Variants in HFM1 observed in about 807,000 individuals in gnomAD.
HFM1 encodes probable ATP-dependent DNA helicase HFM1.
A neutral mutation model predicts 192.1 loss-of-function variants in HFM1; 169 were observed. The ratio of observed to expected loss-of-function variants is 0.88; its 90% confidence interval spans 0.78 to 1.00. HFM1 has a LOEUF of 1.00. Among genes scored for constraint, HFM1 ranks in the 50% least tolerant of loss-of-function variants. The probability of loss-of-function intolerance (pLI) is 0.00; values close to 1 mark genes in which losing one functional copy is unlikely to be tolerated. For synonymous variants in HFM1, 525 were observed against 537.8 expected (o/e 0.98, Z 0.33); for missense variants, 1,661 against 1,668.0 (o/e 1.00, Z 0.07).
chr1:91,277,864 T>G (rs890871432), intron 30 of HFM1, among the ~76,000 whole-genome samples: 1 of 118,780 alleles, frequency 8.4e-6, no homozygotes, highest in African/African-American at 3.3e-5. Context: ...ATATATACTT[T>G]ATATATATAA....
intron 2 of HFM1, 32 bp downstream of exon 2, chr1:91,400,980 T>C (rs371870606): frequency 4.7e-6 from 5 of 1,070,864 alleles, no homozygotes; most frequent in Non-Finnish European, 6.9e-6. Flanking sequence ...TAAAGTAATA[T>C]ACTATGCTAT....
intron 36 of HFM1, among the ~76,000 whole-genome samples, chr1:91,264,454 G>C (rs992441018): frequency 8.0e-6 from 1 of 125,014 alleles, no homozygotes; most frequent in East Asian, 2.6e-4. Flanking sequence ...CTCACTGCAA[G>C]CTCCGCCTCC....
At chr1:91,328,309 G>A (rs1343762711) in intron 20 of HFM1, 1 of 1,376,428 alleles carries the variant, frequency 7.3e-7, no homozygotes, top group Non-Finnish European at 9.8e-7. Context: ...CCTGCCCAGG[G>A]CAACCCTGAA....
chr1:91,384,747 CT>C (rs11295340), intron 6 of HFM1, among the ~76,000 whole-genome samples: 128,743 of 134,722 alleles, frequency 0.96, 61,445 homozygotes, highest in East Asian at 0.99. Context: ...ACACATACAT[CT>C]TTTTTTTTTT....
At chr1:91,349,538 A>G (rs192791081) in intron 18 of HFM1, among the ~76,000 whole-genome samples, 1 of 152,292 alleles carries the variant, frequency 6.6e-6, no homozygotes, top group Admixed American at 6.5e-5. Flanking sequence ...GTCAGCTGCC[A>G]TGCTATGAGG....
At chr1:91,370,439 C>T (rs1228255172) in intron 13 of HFM1, among the ~76,000 whole-genome samples, 4 of 152,080 alleles carry the variant, frequency 2.6e-5, no homozygotes, top group South Asian at 2.1e-4. Flanking sequence ...GTTCAACACA[C>T]GAAAATCAAT....
intron 2 of HFM1, among the ~76,000 whole-genome samples, chr1:91,398,115 G>A (rs971932755): frequency 2.6e-5 from 4 of 152,114 alleles, no homozygotes; most frequent in African/African-American, 7.2e-5. Flanking sequence ...AGCCGCCCTC[G>A]CAAACAGGCC....
intron 6 of HFM1, among the ~76,000 whole-genome samples, chr1:91,383,624 T>C (rs1397943515): frequency 6.6e-6 from 1 of 152,202 alleles, no homozygotes; most frequent in African/African-American, 2.4e-5. Flanking sequence ...GTTGCCTAGA[T>C]TTCTCTAGCA....
At chr1:91,343,641 A>C (rs1571026564) in intron 19 of HFM1, 131 bp from the exon 20 acceptor site, 1 of 398,758 alleles carries the variant, frequency 2.5e-6, no homozygotes, top group South Asian at 1.0e-4. Flanking sequence ...GTCCCTACTT[A>C]AGCAGTAAGA....
chr1:91,377,120 T>A (rs1660997805), intron 11 of HFM1, among the ~76,000 whole-genome samples: 1 of 151,844 alleles, frequency 6.6e-6, no homozygotes, highest in Non-Finnish European at 1.5e-5. Context: ...ATGTACATTA[T>A]GATTCCTACA....
chr1:91,317,862 C>T (rs914709231), intron 25 of HFM1, among the ~76,000 whole-genome samples: 1 of 151,336 alleles, frequency 6.6e-6, no homozygotes, highest in Non-Finnish European at 1.5e-5. Context: ...TGTTTAGATT[C>T]TCTCACTTTT....
At chr1:91,344,069 T>C (rs572360611) in intron 19 of HFM1, among the ~76,000 whole-genome samples, 1 of 152,214 alleles carries the variant, frequency 6.6e-6, no homozygotes, top group Non-Finnish European at 1.5e-5. Flanking sequence ...TTTGCCACTT[T>C]CTTGAAGCAA....
chr1:91,364,192 G>GA (rs924541376), intron 13 of HFM1, among the ~76,000 whole-genome samples: 24 of 145,066 alleles, frequency 1.7e-4, no homozygotes, highest in African/African-American at 3.8e-4. Flanking sequence ...AAAGTGGAAG[G>GA]AAAAAAAAAA....
At chr1:91,328,276 G>A (rs1236913819) in intron 20 of HFM1, 4 of 838,070 alleles carry the variant, frequency 4.8e-6, no homozygotes, top group Admixed American at 3.2e-5. Context: ...CTAAGCTGAG[G>A]GGGGAAAGTG....
intron 27 of HFM1, 55 bp downstream of exon 27, chr1:91,316,046 G>C: frequency 6.9e-7 from 1 of 1,459,294 alleles, no homozygotes; most frequent in Non-Finnish European, 9.5e-7. Context: ...CCTATTTATA[G>C]GTAGCTTTAT....
At chr1:91,401,605 G>C (rs1396836701) in intron 1 of HFM1, among the ~76,000 whole-genome samples, 1 of 152,170 alleles carries the variant, frequency 6.6e-6, no homozygotes, top group Non-Finnish European at 1.5e-5. Context: ...AAAGGGGAGA[G>C]ATGAAGGAGT....
intron 31 of HFM1, 21 bp downstream of exon 31, chr1:91,276,961 A>C (rs1415953361): frequency 1.4e-6 from 2 of 1,447,388 alleles, no homozygotes; most frequent in Admixed American, 4.0e-5. Flanking sequence ...ACTTTAAATA[A>C]ACTTGTTTTA....
At chr1:91,318,965 C>T (rs1403861203) in intron 25 of HFM1, 113 bp downstream of exon 25, 1 of 1,073,848 alleles carries the variant, frequency 9.3e-7, no homozygotes, top group Non-Finnish European at 1.3e-6. Flanking sequence ...TTTAAGCCTA[C>T]AAACACATAC....
At chr1:91,291,136 A>G (rs1357110715) in intron 30 of HFM1, among the ~76,000 whole-genome samples, 12 of 152,344 alleles carry the variant, frequency 7.9e-5, no homozygotes, top group South Asian at 4.1e-4. Flanking sequence ...ATCACAATTA[A>G]AAGAACTAGA....
Sources: gnomAD v4.1 joint callset for allele counts (sites outside exome capture counted in the v4.1 genomes callset) on GRCh38, gnomAD v4.1.1 for gene constraint, MANE v1.5 for transcripts, NCBI Gene and HGNC (gene_info 2026-07-23, HGNC 2026-07-21) for gene names.